The following INPP4B variants were observed in gnomAD, a reference collection of about 807,000 sequenced individuals.
INPP4B encodes inositol polyphosphate-4-phosphatase type II B.
Under a neutral mutation model 122.5 loss-of-function variants are expected in INPP4B, and 55 were observed. The ratio of observed to expected loss-of-function variants is 0.45; its 90% CI spans 0.36 to 0.56. INPP4B has a LOEUF of 0.56. Ranked by LOEUF, INPP4B falls within the 20% of genes least tolerant of loss-of-function variation. INPP4B has a pLI of 0.00. For missense variants in INPP4B, 1,000 were observed against 1,097.7 expected, an observed-to-expected ratio of 0.91 and a Z score of 1.26; for synonymous variants, 403 against 388.7, an observed-to-expected ratio of 1.04 and a Z score of -0.43.
chr4:142,337,217 C>A (rs1223260225), intron 7 of INPP4B, among the ~76,000 whole-genome samples: 2 of 147,090 alleles, frequency 1.4e-5, no homozygotes, highest in Admixed American at 1.3e-4. Context: ...CCCTATTCCT[C>A]TTGATGGTTA....
At chr4:142,558,390 A>G (rs1416790972) in intron 2 of INPP4B, among the ~76,000 whole-genome samples, 4 of 152,122 alleles carry the variant, frequency 2.6e-5, no homozygotes, top group African/African-American at 7.2e-5. Flanking sequence ...ACTGCCCCAA[A>G]TAAGACTTTG....
chr4:142,429,040 A>G (rs563296735), intron 5 of INPP4B, 133 bp downstream of exon 5: 1 of 572,690 alleles, frequency 1.7e-6, no homozygotes, highest in South Asian at 2.4e-5. Flanking sequence ...TACCTTATAG[A>G]ACAATTTTAA....
chr4:142,191,348 C>T (rs910183531), intron 15 of INPP4B, among the ~76,000 whole-genome samples: 8 of 152,148 alleles, frequency 5.3e-5, no homozygotes, highest in Non-Finnish European at 1.0e-4. Context: ...AACAGGGTGG[C>T]CCAGCCATAC....
chr4:142,354,479 C>T (rs1297797235), intron 7 of INPP4B, among the ~76,000 whole-genome samples: 1 of 151,936 alleles, frequency 6.6e-6, no homozygotes, highest in Non-Finnish European at 1.5e-5. Flanking sequence ...TACCTTTTAT[C>T]TATCTTGGGC....
chr4:142,473,372 G>T (rs1041759818), intron 2 of INPP4B: 1 of 152,448 alleles, frequency 6.6e-6, no homozygotes, highest in Non-Finnish European at 1.5e-5. Context: ...AGAGTCAGCA[G>T]AACCTCTCCA....
intron 2 of INPP4B, among the ~76,000 whole-genome samples, chr4:142,551,278 C>A (rs1465549034): frequency 1.3e-5 from 2 of 152,156 alleles, no homozygotes; most frequent in African/African-American, 2.4e-5. Flanking sequence ...GGCAAGAAGC[C>A]TTTTCAAAGC....
In INPP4B at chr4:142,025,186, A is replaced by G. The variant is rs1021721542; in HGVS notation, c.*3596T>C. On this transcript the variant is annotated 3_prime_UTR_variant, in exon 26 of 26. Coordinates refer to ENST00000262992, the MANE Select transcript of INPP4B (RefSeq NM_001101669.3). ...TTGTAGCATTTGCCAGCCAGTTTCT[A>G]TGGTGTTAAATACTCCCACTGTGGA... 5.8e-4 allele frequency: 14 copies of G among 24,220 alleles called. No individual in the cohort carries two copies. The highest frequency in any genetic ancestry group is 1.6e-3 in the African/African-American group (10 of 6,444). The allele number at this position is 24,220 out of a possible 1,614,324, so 1.5% of individuals were successfully genotyped here.
intron 2 of INPP4B, among the ~76,000 whole-genome samples, chr4:142,692,889 T>G (rs1338533543): frequency 7.6e-6 from 1 of 131,140 alleles, no homozygotes; most frequent in Non-Finnish European, 1.7e-5. Context: ...TTGACTTAAT[T>G]AAAACCTATA....
At chr4:142,336,322 C>T (rs372754663) in intron 7 of INPP4B, among the ~76,000 whole-genome samples, 14 of 152,124 alleles carry the variant, frequency 9.2e-5, no homozygotes, top group Non-Finnish European at 1.0e-4. Context: ...GAGAAAATAC[C>T]GCTGGGGGCC....
At position 142,370,484 on chromosome 4, in the gene INPP4B, A is replaced by C. The variant is rs148740516; in HGVS notation, c.372+32454T>G. The stretch of plus-strand genomic sequence containing the variant: ...ATTAAGAAGAAATAAAAGACATCCA[A>C]ATTGGAAAAGAGGAAGTCAAATTGT... On this transcript the variant is annotated intron_variant, in intron 7 of 25. Transcript: ENST00000262992. 7.3e-3 allele frequency among the ~76,000 whole-genome samples: 1,117 copies of C among 152,284 alleles called. 12 individuals are homozygous for C. Among genetic ancestry groups the C allele is most frequent in the African/African-American group, 0.026 (1,066 of 41,566 alleles).
intron 7 of INPP4B, among the ~76,000 whole-genome samples, chr4:142,392,553 C>T (rs1336378417): frequency 6.6e-6 from 1 of 152,176 alleles, no homozygotes; most frequent in Non-Finnish European, 1.5e-5. Flanking sequence ...TAACCCACAT[C>T]ATGGGTTAAA....
chr4:142,590,023 C>T (rs1042359309), intron 2 of INPP4B, among the ~76,000 whole-genome samples: 23 of 152,070 alleles, frequency 1.5e-4, no homozygotes, highest in African/African-American at 5.3e-4. Context: ...AGAGCCCCTT[C>T]TGAAAAGACT....
intron 2 of INPP4B, among the ~76,000 whole-genome samples, chr4:142,716,429 CT>C (rs1273458744): frequency 6.6e-6 from 1 of 152,140 alleles, no homozygotes; most frequent in Non-Finnish European, 1.5e-5. Flanking sequence ...TATCTTGGCT[CT>C]TTCTTATCTC....
At chr4:142,640,095 G>A (rs544118184) in intron 2 of INPP4B, among the ~76,000 whole-genome samples, 34 of 152,206 alleles carry the variant, frequency 2.2e-4, no homozygotes, top group African/African-American at 7.5e-4. Flanking sequence ...GGCAACAGGT[G>A]TAAACTGTGA....
chr4:142,724,436 T>A (rs1026888339), intron 2 of INPP4B, among the ~76,000 whole-genome samples: 1 of 152,102 alleles, frequency 6.6e-6, no homozygotes, highest in Non-Finnish European at 1.5e-5. Context: ...TCCATTGAGT[T>A]GCCTTCAACA....
At chr4:142,536,406 G>C (rs1047512934) in intron 2 of INPP4B, among the ~76,000 whole-genome samples, 1 of 152,178 alleles carries the variant, frequency 6.6e-6, no homozygotes, top group Non-Finnish European at 1.5e-5. Context: ...TCTAAGCAGG[G>C]AAAAGATAAA....
chr4:142,619,658 T>C (rs892869050), intron 2 of INPP4B, among the ~76,000 whole-genome samples: 2 of 151,950 alleles, frequency 1.3e-5, no homozygotes, highest in African/African-American at 2.4e-5. Flanking sequence ...GTTTCAGTTA[T>C]GCAAGGTTAT....
At chr4:142,844,164 A>G (rs750752859) in intron 1 of INPP4B, among the ~76,000 whole-genome samples, 23 of 152,224 alleles carry the variant, frequency 1.5e-4, no homozygotes, top group Middle Eastern at 3.2e-3. Context: ...CTTTGACTGC[A>G]TGCTACTTTA....
intron 14 of INPP4B, among the ~76,000 whole-genome samples, chr4:142,202,948 T>C (rs183144967): frequency 1.7e-4 from 26 of 152,214 alleles, no homozygotes; most frequent in Non-Finnish European, 3.4e-4. Context: ...TTACTGTATG[T>C]CTGATTTTTC....
Sources: gnomAD v4.1 joint callset for allele counts (sites outside exome capture counted in the v4.1 genomes callset) on GRCh38, gnomAD v4.1.1 for gene constraint, MANE v1.5 for transcripts, NCBI Gene and HGNC (gene_info 2026-07-23, HGNC 2026-07-21) for gene names.